Variants in WDR62 observed in about 807,000 individuals in gnomAD.
WDR62 encodes the protein WD repeat-containing protein 62.
In WDR62, 112 loss-of-function variants were observed where a neutral mutation model predicts 160.6. The observed-to-expected ratio is 0.70, with a 90% CI of 0.60 to 0.82. The LOEUF is 0.82. Among genes scored for constraint, WDR62 ranks in the 40% least tolerant of loss-of-function variants. The pLI is 0.00. For missense variants in WDR62, 1,819 were observed against 1,983.8 expected (o/e 0.92, Z 1.58); for synonymous variants, 792 against 815.1 (o/e 0.97, Z 0.48).
chr19:36,090,915 T>C (rs935453856), intron 16 of WDR62, among the ~76,000 whole-genome samples: 7 of 152,248 alleles, frequency 4.6e-5, no homozygotes, highest in African/African-American at 1.7e-4. Flanking sequence ...CTGTGTGACC[T>C]TGGGCAAGCA....
At chr19:36,072,201 A>G (rs1971337030) in intron 8 of WDR62, among the ~76,000 whole-genome samples, 1 of 152,222 alleles carries the variant, frequency 6.6e-6, no homozygotes, top group Non-Finnish European at 1.5e-5. Flanking sequence ...GGAACACAGC[A>G]GGGACTCGGG....
At chr19:36,080,003 C>T (rs17706584) in intron 9 of WDR62, among the ~76,000 whole-genome samples, 20,986 of 152,138 alleles carry the variant, frequency 0.14, 1,784 homozygotes, top group Middle Eastern at 0.24. Context: ...TATGGTGGCT[C>T]TTTGTCCTTC....
chr19:36,105,173 G>A, downstream of WDR62: 1 of 1,097,632 alleles, frequency 9.1e-7, no homozygotes, highest in Non-Finnish European at 1.3e-6. Context: ...GGGAGGGAGG[G>A]TAGAAGGTGA....
intron 9 of WDR62, among the ~76,000 whole-genome samples, chr19:36,079,718 G>C (rs1971779859): frequency 1.3e-5 from 2 of 152,190 alleles, no homozygotes; most frequent in South Asian, 4.1e-4. Context: ...TCCTGTTGCT[G>C]GGTCTGTCAG....
intron 12 of WDR62, among the ~76,000 whole-genome samples, chr19:36,085,775 G>T (rs1035382263): frequency 6.6e-6 from 1 of 152,030 alleles, no homozygotes; most frequent in Non-Finnish European, 1.5e-5. Flanking sequence ...TCCAAGTGAA[G>T]ATTTCGTTTG....
At chr19:36,084,345 G>A (rs192204688) in intron 11 of WDR62, among the ~76,000 whole-genome samples, 1 of 152,194 alleles carries the variant, frequency 6.6e-6, no homozygotes, top group East Asian at 1.9e-4. Flanking sequence ...TCCTACCCCA[G>A]GGACCACCTC....
intron 21 of WDR62, among the ~76,000 whole-genome samples, chr19:36,097,540 T>C (rs907430985): frequency 4.6e-5 from 7 of 151,280 alleles, no homozygotes; most frequent in African/African-American, 1.7e-4. Flanking sequence ...AAGGCACCAC[T>C]ACTACACTCC....
rs781351546 is a variant in WDR62, at chr19:36,073,674, A to C, written c.1233+143A>C. ...GCCCTGTCCTAGGTGCTGAGGACAC[A>C]GACACAAAATCCCTGCCCTTAACAA... On this transcript the variant is annotated intron_variant, in intron 9 of 31. Transcript: ENST00000401500. 1.7e-5 allele frequency: 13 copies of C among 750,846 alleles called. No individual in the cohort carries two copies. In the South Asian group the frequency reaches 1.9e-4, roughly 11 times the overall value. 46.5% of individuals were successfully genotyped at this position (750,846 alleles called of 1,614,324 possible). A position where few individuals can be genotyped will look rare whatever the true frequency, so the allele number is the denominator to read the frequency against.
intron 20 of WDR62, among the ~76,000 whole-genome samples, chr19:36,096,710 CAAAAAAAG>C (rs1972984952): frequency 8.2e-6 from 1 of 122,328 alleles, no homozygotes; most frequent in South Asian, 2.5e-4. Flanking sequence ...GACTCCGTCT[CAAAAAAAG>C]AAAAAAAAAG....
intron 11 of WDR62, 146 bp downstream of exon 11, chr19:36,083,387 A>AT: frequency 1.1e-6 from 1 of 875,132 alleles, no homozygotes; most frequent in East Asian, 2.7e-5. Context: ...AACAGCTCCC[A>AT]TTGGGAACTT....
chr19:36,106,929 C>CA (rs1428083794), downstream of WDR62, among the ~76,000 whole-genome samples: 1 of 152,144 alleles, frequency 6.6e-6, no homozygotes, highest in African/African-American at 2.4e-5. Flanking sequence ...GGCCTAGGCC[C>CA]ATCTGCCTAG....
At chr19:36,056,440 C>G (rs1284383611) in intron 1 of WDR62, among the ~76,000 whole-genome samples, 1 of 152,160 alleles carries the variant, frequency 6.6e-6, no homozygotes, top group African/African-American at 2.4e-5. Flanking sequence ...TTTCTGCCTC[C>G]TGGCCTTTGT....
intron 1 of WDR62, among the ~76,000 whole-genome samples, chr19:36,055,849 TG>T (rs1373540274): frequency 6.6e-6 from 1 of 152,186 alleles, no homozygotes; most frequent in Non-Finnish European, 1.5e-5. Flanking sequence ...GCACAAAATC[TG>T]TTTTTATAAA....
At chr19:36,064,278 TTCTG>T (rs1468678727) in intron 3 of WDR62, among the ~76,000 whole-genome samples, 1 of 152,112 alleles carries the variant, frequency 6.6e-6, no homozygotes, top group Non-Finnish European at 1.5e-5. Context: ...CATTTTTTTT[TTCTG>T]TCTCTCTTTT....
rs143638774 is a variant in WDR62 at position 36,103,530 on chromosome 19, C to T, written c.3702C>T (p.Leu1234=). 1 of 1,614,126 alleles carries T rather than the reference C, an allele frequency of 6.2e-7. No homozygotes were observed. The highest frequency in any genetic ancestry group is 1.3e-5 in the African/African-American group (1 of 75,056). ...CCAGGATATCACGCAGCATCTCCCT[C>T]GGTGACAGTGAGGGCCCTATCGTGG... is the stretch of plus-strand genomic sequence containing the variant. ...SRARISRSIS[L]GDSEGPIVAT... is the part of the protein sequence containing the mutation. Residue 1234 remains leucine (L), a synonymous_variant, in exon 30 of 32, where the codon CTC becomes CTT. Coordinates refer to ENST00000401500, the MANE Select transcript of WDR62 (RefSeq NM_001083961.2).
At position 36,089,268 on chromosome 19, in the gene WDR62, G is replaced by C; in HGVS notation, c.1920G>C (p.Gln640His). The C allele has an allele frequency of 6.2e-7, 1 of 1,614,208 alleles. No homozygotes were observed. Among genetic ancestry groups the C allele is most frequent in the Non-Finnish European group, 8.5e-7 (1 of 1,180,036 alleles). Reference protein sequence around the residue: ...TLYDMDIDITQKYVAVACQDR... With the variant: ...TLYDMDIDITHKYVAVACQDR... Reference sequence around the variant, plus strand: ...ATGACATGGACATTGACATCACCCAGAAGTACGTGGCCGTGGCCTGCCAGG... The same window carrying C: ...ATGACATGGACATTGACATCACCCACAAGTACGTGGCCGTGGCCTGCCAGG... Residue 640 changes from glutamine to histidine, a missense_variant, in exon 15 of 32, where the codon CAG becomes CAC. Coordinates refer to ENST00000401500, the MANE Select transcript of WDR62 (RefSeq NM_001083961.2).
At position 36,091,239 on chromosome 19, in the gene WDR62, T is replaced by A. The variant is rs1972585188; in HGVS notation, c.2074T>A (p.Cys692Ser). The change falls in exon 17 of 32, where the codon TGC (cysteine) becomes AGC (serine). Residue 692 changes from cysteine to serine, a missense_variant. By Grantham distance (112) the Cys-to-Ser change is moderately radical (BLOSUM62 -1). This residue lies in a region of WDR62 where 934 missense variants were observed against 1,157.2 expected (regional missense o/e 0.81). Transcript: ENST00000401500. ...CTCAGGCACCTTCCTGGCCACCAGCTGCTCTGACAAAAGCATCTCAGTGAT... is the reference window on the plus strand; with the variant it reads ...CTCAGGCACCTTCCTGGCCACCAGCAGCTCTGACAAAAGCATCTCAGTGAT... ...DPSGTFLATS[C>S]SDKSISVIDF... The A allele has an allele frequency of 6.2e-7, 1 of 1,613,282 alleles. No homozygotes were observed. Among genetic ancestry groups the A allele is most frequent in the Non-Finnish European group, 8.5e-7 (1 of 1,180,036 alleles).
intron 9 of WDR62, chr19:36,073,847 T>C (rs1355651032): frequency 4.8e-6 from 2 of 420,620 alleles, no homozygotes; most frequent in Non-Finnish European, 9.4e-6. Flanking sequence ...AGGGAAGGCC[T>C]CCCTGAGGAC....
chr19:36,105,652 G>A (rs1204969215), downstream of WDR62, among the ~76,000 whole-genome samples: 1 of 152,038 alleles, frequency 6.6e-6, no homozygotes, highest in Non-Finnish European at 1.5e-5. Flanking sequence ...TTTGAGACCA[G>A]CCTGGGCAAC....
Sources: allele counts gnomAD v4.1 joint callset (sites outside exome capture counted in the v4.1 genomes callset), GRCh38; gene constraint gnomAD v4.1.1; regional missense constraint gnomAD v4.1.1; transcripts MANE v1.5; gene names NCBI Gene and HGNC (gene_info 2026-07-23, HGNC 2026-07-21).